Variants in CNTNAP5 observed in about 807,000 individuals in gnomAD.
The protein encoded by CNTNAP5 is contactin-associated protein-like 5.
CNTNAP5 carries 72 observed loss-of-function variants against 150.2 expected under a neutral mutation model. The ratio of observed to expected loss-of-function variants is 0.48; its 90% confidence interval spans 0.40 to 0.58. The LOEUF is 0.58. Among genes scored for constraint, CNTNAP5 ranks in the 20% least tolerant of loss-of-function variants. The pLI, the probability that CNTNAP5 is intolerant of heterozygous loss-of-function variation, is 0.00. For missense variants in CNTNAP5, 1,636 were observed against 1,626.2 expected, an observed-to-expected ratio of 1.01 and a Z score of -0.10; for synonymous variants, 672 against 619.8, an observed-to-expected ratio of 1.08 and a Z score of -1.25.
chr2:124,917,738 C>A lies in CNTNAP5; in HGVS notation c.*3450C>A, dbSNP rs1360167164. 6.6e-6 allele frequency among the ~76,000 whole-genome samples: 1 copy of A among 152,018 alleles called. No homozygotes were observed. The highest frequency in any genetic ancestry group is 1.5e-5 in the Non-Finnish European group (1 of 67,990). On this transcript the variant is annotated 3_prime_UTR_variant, in exon 24 of 24. Transcript: ENST00000682447. ...GAATGCCAATGAGTGCCGGGCTAGG[C>A]ATTGGGTGAACATATATAAATTACA...
rs1224653915 is a variant in CNTNAP5, at chr2:124,919,609, C to T, written c.*5321C>T. On this transcript the variant is annotated 3_prime_UTR_variant, in exon 24 of 24. Transcript: ENST00000682447. Reference sequence around the variant, plus strand: ...CAGCCTTTCCACTTTCATGGCTCCTCACTCAGGAGTCTCTTTAGTGCATTT... The same window carrying T: ...CAGCCTTTCCACTTTCATGGCTCCTTACTCAGGAGTCTCTTTAGTGCATTT... Among the ~76,000 whole-genome samples, 1 of 152,056 alleles carries T rather than the reference C, an allele frequency of 6.6e-6. No homozygotes were observed. The highest frequency in any genetic ancestry group is 1.5e-5 in the Non-Finnish European group (1 of 68,002).
chr2:124,513,295 A>T (rs750500319), intron 8 of CNTNAP5, among the ~76,000 whole-genome samples: 2 of 152,144 alleles, frequency 1.3e-5, no homozygotes, highest in Non-Finnish European at 2.9e-5. Flanking sequence ...GCTCATAAGG[A>T]CACCAAACAT....
chr2:124,798,142 T>G lies in CNTNAP5; in HGVS notation c.3039T>G (p.Phe1013Leu). Residue 1013 changes from phenylalanine (F) to leucine (L), a missense_variant, in exon 19 of 24, where the codon TTT becomes TTG. Coordinates refer to ENST00000682447, the MANE Select transcript of CNTNAP5 (RefSeq NM_001367498.1). Reference sequence around the variant, plus strand: ...CTGGCACGTCGGTTACTTACATGTTTCAAGAACCCTATCCTGTGACCAAGA... The same window carrying G: ...CTGGCACGTCGGTTACTTACATGTTGCAAGAACCCTATCCTGTGACCAAGA... ...FEAGTSVTYM[F>L]QEPYPVTKNI... 1 of 1,613,574 alleles carries G rather than the reference T, an allele frequency of 6.2e-7. No homozygotes were observed. Among genetic ancestry groups the G allele is most frequent in the Non-Finnish European group, 8.5e-7 (1 of 1,179,700 alleles).
intron 3 of CNTNAP5, among the ~76,000 whole-genome samples, chr2:124,326,931 T>A (rs1689233784): frequency 2.0e-5 from 3 of 150,030 alleles, no homozygotes; most frequent in African/African-American, 7.3e-5. Flanking sequence ...ATTGAGATTG[T>A]ACCACTGCAC....
At chr2:124,857,221 T>C (rs1677394651) in intron 19 of CNTNAP5, among the ~76,000 whole-genome samples, 1 of 152,062 alleles carries the variant, frequency 6.6e-6, no homozygotes, top group South Asian at 2.1e-4. Flanking sequence ...TTTTCTGTAC[T>C]AGCCTTCACT....
At chr2:124,366,326 T>C (rs1206407925) in intron 3 of CNTNAP5, among the ~76,000 whole-genome samples, 2 of 152,232 alleles carry the variant, frequency 1.3e-5, no homozygotes, top group African/African-American at 4.8e-5. Context: ...TTTACTGATA[T>C]TGATAGTCTT....
intron 3 of CNTNAP5, among the ~76,000 whole-genome samples, chr2:124,410,010 G>A (rs1217669232): frequency 6.6e-6 from 1 of 151,144 alleles, no homozygotes; most frequent in Admixed American, 6.6e-5. Flanking sequence ...GACACACATA[G>A]GCTCAAAATA....
At chr2:124,290,632 G>C (rs1402472558) in intron 3 of CNTNAP5, among the ~76,000 whole-genome samples, 1 of 152,116 alleles carries the variant, frequency 6.6e-6, no homozygotes, top group African/African-American at 2.4e-5. Flanking sequence ...GTCATCCACA[G>C]GTTACTTGAC....
chr2:124,653,574 G>C (rs377659009), intron 13 of CNTNAP5, among the ~76,000 whole-genome samples: 18 of 152,040 alleles, frequency 1.2e-4, no homozygotes, highest in Middle Eastern at 3.4e-3. Flanking sequence ...TATTAATTCT[G>C]TTTATTTGCA....
intron 10 of CNTNAP5, among the ~76,000 whole-genome samples, chr2:124,544,305 G>GA (rs1212100096): frequency 6.6e-6 from 1 of 152,070 alleles, no homozygotes; most frequent in Admixed American, 6.6e-5. Flanking sequence ...TATAAATAAG[G>GA]AAAATCAAAT....
intron 13 of CNTNAP5, among the ~76,000 whole-genome samples, chr2:124,715,295 A>G: frequency 6.6e-6 from 1 of 152,190 alleles, no homozygotes; most frequent in East Asian, 1.9e-4. Context: ...AGATCTTGTT[A>G]CTTAGAAAAC....
At chr2:124,264,892 C>G (rs1431009784) in intron 3 of CNTNAP5, among the ~76,000 whole-genome samples, 1 of 152,208 alleles carries the variant, frequency 6.6e-6, no homozygotes, top group Non-Finnish European at 1.5e-5. Flanking sequence ...GTATCTGAGT[C>G]TGTGTCTGTG....
chr2:124,692,039 G>T (rs188633308), intron 13 of CNTNAP5, among the ~76,000 whole-genome samples: 2 of 152,052 alleles, frequency 1.3e-5, no homozygotes, highest in South Asian at 4.1e-4. Context: ...AAAGAAGCAC[G>T]AATTAGATTA....
At chr2:124,105,689 G>C (rs1368995747) in intron 1 of CNTNAP5, among the ~76,000 whole-genome samples, 1 of 151,890 alleles carries the variant, frequency 6.6e-6, no homozygotes, top group African/African-American at 2.4e-5. Context: ...ACTTTAACCT[G>C]GTGGTTGTTT....
At chr2:124,890,496 C>G (rs2104747484) in intron 21 of CNTNAP5, among the ~76,000 whole-genome samples, 1 of 152,178 alleles carries the variant, frequency 6.6e-6, no homozygotes, top group African/African-American at 2.4e-5. Context: ...CTGCCACCAC[C>G]CTATCAGTGC....
chr2:124,853,749 G>T (rs956596070), intron 19 of CNTNAP5, among the ~76,000 whole-genome samples: 3 of 152,096 alleles, frequency 2.0e-5, no homozygotes, highest in Non-Finnish European at 2.9e-5. Context: ...AGATTATTTT[G>T]TCACCCAGGT....
At position 124,770,727 on chromosome 2, in the gene CNTNAP5, G is replaced by A. The variant is rs901036102; in HGVS notation, c.2534-2072G>A. 3.3e-5 allele frequency among the ~76,000 whole-genome samples: 5 copies of A among 152,164 alleles called. No individual in the cohort carries two copies. In the East Asian group the frequency reaches 5.8e-4, roughly 18 times the overall value. On this transcript the variant is annotated intron_variant, in intron 16 of 23. Coordinates refer to ENST00000682447, the MANE Select transcript of CNTNAP5 (RefSeq NM_001367498.1). ...TCCCTTCAATTCTGTTTCCTTTAAGGCATGAATTTGTCACCTGAAGCCAAT... is the reference window on the plus strand; with the variant it reads ...TCCCTTCAATTCTGTTTCCTTTAAGACATGAATTTGTCACCTGAAGCCAAT...
intron 11 of CNTNAP5, among the ~76,000 whole-genome samples, chr2:124,589,703 G>A (rs1223065128): frequency 6.6e-6 from 1 of 152,174 alleles, no homozygotes; most frequent in African/African-American, 2.4e-5. Flanking sequence ...AAAGGAAATT[G>A]ATGTCGGTAT....
chr2:124,084,261 T>A (rs7585692), intron 1 of CNTNAP5, among the ~76,000 whole-genome samples: 15,372 of 151,922 alleles, frequency 0.1, 923 homozygotes, highest in East Asian at 0.33. Flanking sequence ...CCAGAAGTCA[T>A]TTTGTAGAGG....
Sources: allele counts gnomAD v4.1 joint callset (sites outside exome capture counted in the v4.1 genomes callset), GRCh38; gene constraint gnomAD v4.1.1; transcripts MANE v1.5; gene names NCBI Gene and HGNC (gene_info 2026-07-23, HGNC 2026-07-21).